The following SH3RF1 variants were observed in gnomAD, a reference collection of about 807,000 sequenced individuals.
The protein encoded by SH3RF1 is SH3 domain containing ring finger 1, also known as E3 ubiquitin-protein ligase SH3RF1.
In SH3RF1, 32 loss-of-function variants were observed where a neutral mutation model predicts 74.0. The observed-to-expected ratio is 0.43, with a 90% CI of 0.33 to 0.58. The LOEUF (loss-of-function observed/expected upper bound fraction) is 0.58. SH3RF1 is among the 20% of genes least tolerant of loss of function. SH3RF1 has a pLI of 0.05. For synonymous variants in SH3RF1, 396 were observed against 439.6 expected (o/e 0.90, Z 1.24); for missense variants, 954 against 1,130.9 (o/e 0.84, Z 2.24).
At chr4:169,195,987 T>C (rs1299012226) in intron 2 of SH3RF1, among the ~76,000 whole-genome samples, 1 of 152,188 alleles carries the variant, frequency 6.6e-6, no homozygotes, top group Non-Finnish European at 1.5e-5. Context: ...GTAATTTTTA[T>C]ATTTTTAGTA....
intron 2 of SH3RF1, among the ~76,000 whole-genome samples, chr4:169,257,980 CAT>C (rs755770285): frequency 6.6e-6 from 1 of 152,190 alleles, no homozygotes; most frequent in Non-Finnish European, 1.5e-5. Context: ...GTGAGAGCCA[CAT>C]GTCACCTCAA....
intron 2 of SH3RF1, among the ~76,000 whole-genome samples, chr4:169,158,617 T>G (rs970838414): frequency 2.0e-5 from 3 of 152,170 alleles, no homozygotes; most frequent in African/African-American, 4.8e-5. Context: ...GGACGTGAAG[T>G]GGGCAGGCAG....
intron 2 of SH3RF1, among the ~76,000 whole-genome samples, chr4:169,175,061 A>G (rs1734396957): frequency 6.6e-6 from 1 of 152,108 alleles, no homozygotes; most frequent in African/African-American, 2.4e-5. Context: ...CCCACTGTTC[A>G]CCTCGTTGCT....
At chr4:169,156,006 A>G (rs1044619001) in intron 3 of SH3RF1, among the ~76,000 whole-genome samples, 4 of 152,216 alleles carry the variant, frequency 2.6e-5, no homozygotes, top group Admixed American at 6.5e-5. Context: ...CATTTTATCA[A>G]TTCGGCAGAT....
At chr4:169,145,580 A>G (rs1249329745) in intron 4 of SH3RF1, among the ~76,000 whole-genome samples, 2 of 147,884 alleles carry the variant, frequency 1.4e-5, no homozygotes, top group African/African-American at 4.9e-5. Context: ...TATATATTAT[A>G]TATCATATAT....
Position 169,155,581 on chromosome 4 carries a change from G to A in SH3RF1, c.670-6C>T. 6.2e-7 allele frequency: 1 copy of A among 1,602,400 alleles called. No homozygotes were observed. Among genetic ancestry groups the A allele is most frequent in the Non-Finnish European group, 8.6e-7 (1 of 1,169,520 alleles). On this transcript the variant is annotated splice_polypyrimidine_tract_variant and splice_region_variant and intron_variant, in intron 3 of 11. Coordinates refer to ENST00000284637, the MANE Select transcript of SH3RF1 (RefSeq NM_020870.4). ...ATCACAGTCAGAACATCATCCTGAA[G>A]AAACAGCAAATCATTAATCTACCTG...
intron 2 of SH3RF1, among the ~76,000 whole-genome samples, chr4:169,180,507 G>C (rs1734491301): frequency 1.3e-5 from 2 of 152,210 alleles, no homozygotes; most frequent in Non-Finnish European, 2.9e-5. Flanking sequence ...CAAAGCAAAA[G>C]TGCGGAAAGA....
At chr4:169,232,555 T>A (rs1023760530) in intron 2 of SH3RF1, among the ~76,000 whole-genome samples, 1 of 152,194 alleles carries the variant, frequency 6.6e-6, no homozygotes, top group African/African-American at 2.4e-5. Context: ...TTCTCTCCAA[T>A]CCCTAGAGGT....
intron 2 of SH3RF1, among the ~76,000 whole-genome samples, chr4:169,205,908 A>G (rs1730250314): frequency 6.6e-6 from 1 of 152,248 alleles, no homozygotes; most frequent in Non-Finnish European, 1.5e-5. Context: ...CTATGAAAAA[A>G]GCAATTTTTG....
chr4:169,114,432 T>A (rs1733296470), intron 10 of SH3RF1, among the ~76,000 whole-genome samples: 1 of 152,198 alleles, frequency 6.6e-6, no homozygotes, highest in Admixed American at 6.5e-5. Flanking sequence ...ATTAATTTAA[T>A]AAAACCTGCA....
intron 6 of SH3RF1, among the ~76,000 whole-genome samples, chr4:169,123,952 A>C (rs1200778336): frequency 6.6e-6 from 1 of 152,164 alleles, no homozygotes; most frequent in African/African-American, 2.4e-5. Context: ...AGAGCCTCCA[A>C]AACCTTTAAC....
chr4:169,096,428 C>G lies in SH3RF1; in HGVS notation c.*91G>C. ...AATCCTTTGCTCATCTCCTGACCAT[C>G]TGGAAGTCCACAAATGTGCTCTTTC... On this transcript the variant is annotated 3_prime_UTR_variant, in exon 12 of 12. Coordinates refer to ENST00000284637, the MANE Select transcript of SH3RF1 (RefSeq NM_020870.4). 1 of 1,398,406 alleles carries G rather than the reference C, an allele frequency of 7.2e-7. No individual in the cohort carries two copies. The highest frequency in any genetic ancestry group is 1.4e-5 in the South Asian group (1 of 72,466). The allele number at this position is 1,398,406 out of a possible 1,614,324, so 86.6% of individuals were successfully genotyped here. A position where few individuals can be genotyped will look rare whatever the true frequency, so the allele number is the denominator to read the frequency against.
At position 169,106,932 on chromosome 4, in the gene SH3RF1, C is replaced by G; in HGVS notation, c.2413G>C (p.Ala805Pro). Residue 805 changes from alanine to proline, a missense_variant, in exon 11 of 12, where the codon GCA becomes CCA. By Grantham distance (27) the Ala-to-Pro change is conservative. Around this residue, in one of 3 missense-constraint regions of SH3RF1, gnomAD observed 854 missense variants for 962.5 expected, o/e 0.89. Coordinates refer to ENST00000284637, the MANE Select transcript of SH3RF1 (RefSeq NM_020870.4). ...FHRKASSLDS[A>P]VPIAPPPRQA... Reference sequence around the variant, plus strand: ...CGAGGAGGTGGAGCGATGGGAACTGCGGAGTCCAGGGAACTTGCCTTCCTA... The same window carrying G: ...CGAGGAGGTGGAGCGATGGGAACTGGGGAGTCCAGGGAACTTGCCTTCCTA... 6.2e-7 allele frequency: 1 copy of G among 1,613,788 alleles called. No individual in the cohort carries two copies. Among genetic ancestry groups the G allele is most frequent in the Non-Finnish European group, 8.5e-7 (1 of 1,180,008 alleles).
At chr4:169,238,106 C>T (rs1411929392) in intron 2 of SH3RF1, among the ~76,000 whole-genome samples, 1 of 152,186 alleles carries the variant, frequency 6.6e-6, no homozygotes, top group African/African-American at 2.4e-5. Flanking sequence ...TTGCTGTATT[C>T]AGAATAGAGC....
At chr4:169,119,522 T>C (rs1459461707) in intron 8 of SH3RF1, among the ~76,000 whole-genome samples, 1 of 152,134 alleles carries the variant, frequency 6.6e-6, no homozygotes, top group African/African-American at 2.4e-5. Context: ...ACTTTATTTT[T>C]TTGTTCTTTG....
rs142076175 is a variant in SH3RF1, at chr4:169,261,115, C to T, written c.393+7705G>A. ...CAGCCCCATTCCCACAACCACTCTG[C>T]ATGGAGCTTAGGTCCCTATGGCTCC... On this transcript the variant is annotated intron_variant, in intron 2 of 11. Transcript: ENST00000284637. 2.6e-4 allele frequency among the ~76,000 whole-genome samples: 40 copies of T among 152,270 alleles called. No individual in the cohort carries two copies. In the South Asian group the frequency reaches 2.9e-3, roughly 11 times the overall value.
At chr4:169,153,277 A>G (rs1268095905) in intron 4 of SH3RF1, among the ~76,000 whole-genome samples, 1 of 152,168 alleles carries the variant, frequency 6.6e-6, no homozygotes, top group Non-Finnish European at 1.5e-5. Context: ...ATCTCATTCA[A>G]TCTTCTCCAA....
intron 2 of SH3RF1, among the ~76,000 whole-genome samples, chr4:169,177,225 T>A (rs2706731): frequency 2.0e-5 from 3 of 152,134 alleles, no homozygotes; most frequent in South Asian, 2.1e-4. Flanking sequence ...CACACACAGC[T>A]GCCTGGTAAA....
chr4:169,120,794 GT>G, intron 8 of SH3RF1, 24 bp downstream of exon 8: 1 of 1,611,852 alleles, frequency 6.2e-7, no homozygotes. Flanking sequence ...TTAGAACATA[GT>G]AAACAATGTA....
Sources: gnomAD v4.1 joint callset for allele counts (sites outside exome capture counted in the v4.1 genomes callset) on GRCh38, gnomAD v4.1.1 for gene constraint, gnomAD v4.1.1 regional missense constraint, MANE v1.5 for transcripts, NCBI Gene and HGNC (gene_info 2026-07-23, HGNC 2026-07-21) for gene names.